CAMK1D: variants seen among roughly 807,000 people sequenced by gnomAD.
CAMK1D encodes calcium/calmodulin dependent protein kinase ID.
A neutral mutation model predicts 47.7 loss-of-function variants in CAMK1D; 9 were observed. The ratio of observed to expected loss-of-function variants is 0.19; its 90% CI spans 0.11 to 0.33. The LOEUF (loss-of-function observed/expected upper bound fraction) is 0.33. Among genes scored for constraint, CAMK1D ranks in the 10% least tolerant of loss-of-function variants. The probability of loss-of-function intolerance (pLI) is 1.00; values close to 1 mark genes in which losing one functional copy is unlikely to be tolerated. For missense variants in CAMK1D, 291 were observed against 488.7 expected, an observed-to-expected ratio of 0.60 and a Z score of 3.81; for synonymous variants, 184 against 184.9, an observed-to-expected ratio of 0.99 and a Z score of 0.04.
At chr10:12,701,490 ACGAAGGTCTACCCCAG>A (rs1220218131) in intron 3 of CAMK1D, among the ~76,000 whole-genome samples, 2 of 152,098 alleles carry the variant, frequency 1.3e-5, no homozygotes, top group African/African-American at 4.8e-5. Context: ...GATGGGGAGG[ACGAAGGTCTACCCCAG>A]CCCTCTCTGG....
rs145459631 is a variant in CAMK1D at position 12,658,871 on chromosome 10, C to T, written c.225-7865C>T. On this transcript the variant is annotated intron_variant, in intron 2 of 10. Coordinates refer to ENST00000619168, the MANE Select transcript of CAMK1D (RefSeq NM_153498.4). ...ACTTTGCACTCATTCTCCAAGCCCA[C>T]GTGTGATCCGATTTTTCCGGTACAC... is the stretch of plus-strand genomic sequence containing the variant. Among the ~76,000 whole-genome samples, 255 of 152,290 alleles carry T rather than the reference C, an allele frequency of 1.7e-3. 1 individual carries two copies. The Middle Eastern group carries it at 0.017, about 10-fold the overall frequency.
At chr10:12,553,685 A>C (rs1836665981) in intron 2 of CAMK1D, among the ~76,000 whole-genome samples, 1 of 152,076 alleles carries the variant, frequency 6.6e-6, no homozygotes, top group African/African-American at 2.4e-5. Context: ...AAATGGAGTT[A>C]CCGGCGTCTC....
chr10:12,436,243 C>G (rs1034501851), intron 1 of CAMK1D, among the ~76,000 whole-genome samples: 1 of 152,166 alleles, frequency 6.6e-6, no homozygotes, highest in African/African-American at 2.4e-5. Context: ...GGGGTGGGTT[C>G]TAGTTCCCTG....
At chr10:12,536,716 G>C (rs1835983486) in intron 1 of CAMK1D, among the ~76,000 whole-genome samples, 2 of 152,328 alleles carry the variant, frequency 1.3e-5, no homozygotes, top group Non-Finnish European at 2.9e-5. Context: ...GTAGCGGTTA[G>C]TGTTGGTGTG....
chr10:12,524,226 A>G (rs1835543300), intron 1 of CAMK1D, among the ~76,000 whole-genome samples: 1 of 151,434 alleles, frequency 6.6e-6, no homozygotes, highest in South Asian at 2.1e-4. Context: ...CAGCCTCCCA[A>G]AGTGCTGGAA....
intron 1 of CAMK1D, among the ~76,000 whole-genome samples, chr10:12,425,505 C>G (rs1840200787): frequency 6.6e-6 from 1 of 152,140 alleles, no homozygotes; most frequent in Non-Finnish European, 1.5e-5. Context: ...TTGTCTTGAA[C>G]TCCTGACCTC....
intron 8 of CAMK1D, among the ~76,000 whole-genome samples, chr10:12,819,988 G>A (rs1832958314): frequency 6.6e-6 from 1 of 152,164 alleles, no homozygotes; most frequent in Non-Finnish European, 1.5e-5. Flanking sequence ...CGGGACTCGG[G>A]GGAAGATTGT....
chr10:12,570,320 C>T (rs1486259984), intron 2 of CAMK1D, among the ~76,000 whole-genome samples: 3 of 152,122 alleles, frequency 2.0e-5, no homozygotes, highest in Non-Finnish European at 2.9e-5. Flanking sequence ...CTCACACCTC[C>T]AAGATGATTG....
intron 8 of CAMK1D, among the ~76,000 whole-genome samples, chr10:12,823,168 T>C (rs1340600055): frequency 1.3e-5 from 2 of 152,122 alleles, no homozygotes; most frequent in East Asian, 3.9e-4. Context: ...CCTGAAGTAG[T>C]TGGAAGTGAT....
chr10:12,744,539 G>A (rs1254811874), intron 3 of CAMK1D, among the ~76,000 whole-genome samples: 3 of 152,060 alleles, frequency 2.0e-5, no homozygotes, highest in Non-Finnish European at 4.4e-5. Context: ...CCATCCTAGT[G>A]TGTGTGAAGC....
In CAMK1D at chr10:12,832,600, G is replaced by A. The variant is rs929909612; in HGVS notation, c.*3713G>A. On this transcript the variant is annotated 3_prime_UTR_variant, in exon 11 of 11. Transcript: ENST00000619168. ...CTTCAGGTCTTCTTTTAAAAGAAAA[G>A]AGCTATGGCAAAGCGTGCCATACAA... 2 of 152,218 alleles carry A rather than the reference G, an allele frequency of 1.3e-5. No individual in the cohort carries two copies. The highest frequency in any genetic ancestry group is 4.8e-5 in the African/African-American group (2 of 41,446). 9.4% of individuals were successfully genotyped at this position (152,218 alleles called of 1,614,324 possible). A position where few individuals can be genotyped will look rare whatever the true frequency, so the allele number is the denominator to read the frequency against.
intron 1 of CAMK1D, among the ~76,000 whole-genome samples, chr10:12,354,086 C>T (rs768495280): frequency 3.3e-5 from 5 of 152,128 alleles, no homozygotes; most frequent in Non-Finnish European, 5.9e-5. Flanking sequence ...GTACTTGGCA[C>T]GTGGCAGAAT....
At chr10:12,777,077 G>A (rs185502573) in intron 5 of CAMK1D, among the ~76,000 whole-genome samples, 192 of 152,286 alleles carry the variant, frequency 1.3e-3, no homozygotes, top group Non-Finnish European at 2.4e-3. Context: ...CTAGATTTGG[G>A]AGATGTTAAT....
At chr10:12,437,321 A>G (rs1832665267) in intron 1 of CAMK1D, among the ~76,000 whole-genome samples, 1 of 152,044 alleles carries the variant, frequency 6.6e-6, no homozygotes, top group South Asian at 2.1e-4. Context: ...TTTCCCAAGT[A>G]GCTGGGATTA....
At chr10:12,366,458 G>T (rs111409861) in intron 1 of CAMK1D, among the ~76,000 whole-genome samples, 64 of 151,584 alleles carry the variant, frequency 4.2e-4, no homozygotes, top group African/African-American at 1.5e-3. Flanking sequence ...AGTTTGAGAC[G>T]AGCCTGGCCA....
intron 1 of CAMK1D, among the ~76,000 whole-genome samples, chr10:12,393,253 G>C (rs193090890): frequency 8.4e-4 from 128 of 152,128 alleles, no homozygotes; most frequent in Non-Finnish European, 8.8e-4. Context: ...GGATGGTCTC[G>C]ATCTCCTGAC....
At chr10:12,590,504 G>T (rs1206326462) in intron 2 of CAMK1D, among the ~76,000 whole-genome samples, 1 of 152,126 alleles carries the variant, frequency 6.6e-6, no homozygotes. Flanking sequence ...GGCATTACAG[G>T]TGTGAGCCAC....
At position 12,350,276 on chromosome 10, in the gene CAMK1D, C is replaced by G. The variant is rs1368262951; in HGVS notation, c.92+366C>G. ...TTACCGGCTGTGTGCGTTTACTCGC[C>G]GTGTGCATGGGCGCACCGCGTTGGC... On this transcript the variant is annotated intron_variant, in intron 1 of 10. Transcript: ENST00000619168. Among the ~76,000 whole-genome samples, 42 of 152,248 alleles carry G rather than the reference C, an allele frequency of 2.8e-4. 1 individual carries two copies. The highest frequency in any genetic ancestry group is 2.7e-3 in the Admixed American group (42 of 15,286).
chr10:12,678,736 C>G (rs1001173232), intron 3 of CAMK1D, among the ~76,000 whole-genome samples: 5 of 152,122 alleles, frequency 3.3e-5, no homozygotes, highest in African/African-American at 1.2e-4. Flanking sequence ...CCTTCCTTGT[C>G]TCTTATAACA....
Sources: gnomAD v4.1 joint callset for allele counts (sites outside exome capture counted in the v4.1 genomes callset) on GRCh38, gnomAD v4.1.1 for gene constraint, MANE v1.5 for transcripts, NCBI Gene and HGNC (gene_info 2026-07-23, HGNC 2026-07-21) for gene names.